The following PSORS1C1 variants were observed in gnomAD, a reference collection of about 807,000 sequenced individuals.
PSORS1C1 encodes psoriasis susceptibility 1 candidate gene 1 protein.
PSORS1C1 carries 7 observed loss-of-function variants against 9.4 expected under a neutral mutation model. The ratio of observed to expected loss-of-function variants is 0.75; its 90% CI spans 0.42 to 1.40. The LOEUF is 1.40. PSORS1C1 is among the 40% of genes most tolerant of loss of function. The probability of loss-of-function intolerance (pLI) is 0.01; values close to 1 mark genes in which losing one functional copy is unlikely to be tolerated. For missense variants in PSORS1C1, 146 were observed against 178.1 expected (o/e 0.82, Z 1.02); for synonymous variants, 63 against 69.4 (o/e 0.91, Z 0.46).
chr6:31,124,829 G>A (rs1340266272), intron 1 of PSORS1C1, among the ~76,000 whole-genome samples: 1 of 152,186 alleles, frequency 6.6e-6, no homozygotes, highest in Non-Finnish European at 1.5e-5. Context: ...TTAGCCGGGT[G>A]CGGGGGCAGG....
chr6:31,120,260 T>C lies in PSORS1C1; in HGVS notation c.-229+5369T>C, dbSNP rs3095319. Reference sequence around the variant, plus strand: ...AAAGGCAGATTCCAGAGCCCCTGCCTGTCCCCTTCGCTGGGTCCTCTCCCG... The same window carrying C: ...AAAGGCAGATTCCAGAGCCCCTGCCCGTCCCCTTCGCTGGGTCCTCTCCCG... On this transcript the variant is annotated intron_variant, in intron 1 of 5. Coordinates refer to ENST00000259881, the MANE Select transcript of PSORS1C1 (RefSeq NM_014068.3). 0.74 allele frequency: 850,233 copies of C among 1,149,336 alleles called. 316,626 individuals carry two copies. Among genetic ancestry groups the C allele is most frequent in the South Asian group, 0.83 (63,268 of 76,532 alleles). 71.2% of individuals were successfully genotyped at this position (1,149,336 alleles called of 1,614,324 possible). A position where few individuals can be genotyped will look rare whatever the true frequency, so the allele number is the denominator to read the frequency against.
chr6:31,134,763 C>A (rs748021972), intron 3 of PSORS1C1, among the ~76,000 whole-genome samples: 4 of 152,208 alleles, frequency 2.6e-5, no homozygotes, highest in Non-Finnish European at 4.4e-5. Flanking sequence ...CTCTGAGCTC[C>A]TGTCCTTCTA....
intron 1 of PSORS1C1, chr6:31,116,524 G>A: frequency 3.7e-6 from 6 of 1,613,416 alleles, no homozygotes; most frequent in Non-Finnish European, 5.1e-6. Context: ...AATGGCCGAG[G>A]AAGCTGCCGA....
intron 1 of PSORS1C1, among the ~76,000 whole-genome samples, chr6:31,125,309 C>T (rs533027891): frequency 6.6e-6 from 1 of 152,238 alleles, no homozygotes; most frequent in Admixed American, 6.5e-5. Context: ...CTCTCTCTTT[C>T]TCCATGACAC....
chr6:31,124,465 C>T (rs1187481739), intron 1 of PSORS1C1, among the ~76,000 whole-genome samples: 1 of 152,220 alleles, frequency 6.6e-6, no homozygotes, highest in Admixed American at 6.5e-5. Context: ...TTTGTCCAAA[C>T]CAGCTGCTAA....
At position 31,131,824 on chromosome 6, in the gene PSORS1C1, A is replaced by C. The variant is rs542556514; in HGVS notation, c.13+2179A>C. On this transcript the variant is annotated intron_variant, in intron 3 of 5. Coordinates refer to ENST00000259881, the MANE Select transcript of PSORS1C1 (RefSeq NM_014068.3). ...AGCTTAAGCTGTAGAGCATTTACCA[A>C]CAGTGCCCTATGGCACATGCGCAGT... Among the ~76,000 whole-genome samples, 3 of 152,378 alleles carry C rather than the reference A, an allele frequency of 2.0e-5. No individual in the cohort carries two copies. In the South Asian group the frequency reaches 6.2e-4, roughly 32 times the overall value.
In PSORS1C1 at chr6:31,138,384, G is replaced by A. The variant is rs746422750; in HGVS notation, c.14-46G>A. 5 of 1,610,454 alleles carry A rather than the reference G, an allele frequency of 3.1e-6. No homozygotes were observed. The Admixed American group carries it at 6.7e-5, about 21-fold the overall frequency. On this transcript the variant is annotated intron_variant, in intron 3 of 5. Coordinates refer to ENST00000259881, the MANE Select transcript of PSORS1C1 (RefSeq NM_014068.3). The stretch of plus-strand genomic sequence containing the variant: ...CCCCACCCAGCCCCAGCCCCAGGAG[G>A]AGGAGCCTGTCTGGATGGACGCAGC...
chr6:31,139,624 A>C lies in PSORS1C1; in HGVS notation c.168-17A>C. The C allele has an allele frequency of 6.3e-7, 1 of 1,595,016 alleles. No homozygotes were observed. The highest frequency in any genetic ancestry group is 8.5e-7 in the Non-Finnish European group (1 of 1,170,612). ...ATGGGATCCAGGCATCCTGCTCTCCACCATGTCCTTCTTCAGGCATGCAGG... is the reference window on the plus strand; with the variant it reads ...ATGGGATCCAGGCATCCTGCTCTCCCCCATGTCCTTCTTCAGGCATGCAGG... On this transcript the variant is annotated splice_polypyrimidine_tract_variant and intron_variant, in intron 5 of 5. Coordinates refer to ENST00000259881, the MANE Select transcript of PSORS1C1 (RefSeq NM_014068.3). The surrounding 1 kb of genome is among the most constrained non-coding windows in gnomAD (Gnocchi z 5.2).
At chr6:31,132,185 G>A (rs764244742) in intron 3 of PSORS1C1, among the ~76,000 whole-genome samples, 7 of 152,134 alleles carry the variant, frequency 4.6e-5, no homozygotes, top group Non-Finnish European at 7.4e-5. Context: ...AGCTGTGATC[G>A]TGCCACTGTA....
rs1772058650 is a variant in PSORS1C1, at chr6:31,115,491, G to A, written c.-229+600G>A. On this transcript the variant is annotated intron_variant, in intron 1 of 5. Coordinates refer to ENST00000259881, the MANE Select transcript of PSORS1C1 (RefSeq NM_014068.3). The surrounding 1 kb of genome is among the most constrained non-coding windows in gnomAD (Gnocchi z 4.2). ...GTGGTGAGCTCTGTAATGGAGGGTG[G>A]GGTGGAATTGGGAGCGAGAGCCCAG... 1 of 166,642 alleles carries A rather than the reference G, an allele frequency of 6.0e-6. No homozygotes were observed. Among genetic ancestry groups the A allele is most frequent in the Admixed American group, 5.5e-5 (1 of 18,182 alleles). The allele number at this position is 166,642 out of a possible 1,614,324, so 10.3% of individuals were successfully genotyped here.
intron 1 of PSORS1C1, among the ~76,000 whole-genome samples, chr6:31,122,494 G>A (rs553329602): frequency 4.7e-4 from 71 of 152,094 alleles, no homozygotes; most frequent in African/African-American, 1.6e-3. Context: ...GATGCTGCTC[G>A]GCTGGGCACG....
At chr6:31,137,904 G>T in intron 3 of PSORS1C1, 3 of 914,164 alleles carry the variant, frequency 3.3e-6, no homozygotes, top group East Asian at 2.8e-5. Context: ...TGGAGAGGGC[G>T]TGGGTGCCTG....
chr6:31,120,599 G>T (rs1388960243), intron 1 of PSORS1C1, among the ~76,000 whole-genome samples: 1 of 152,136 alleles, frequency 6.6e-6, no homozygotes, highest in Non-Finnish European at 1.5e-5. Context: ...CGGTGCATCT[G>T]CCTACTCAGC....
intron 1 of PSORS1C1, chr6:31,116,395 C>G: frequency 6.2e-7 from 1 of 1,600,942 alleles, no homozygotes; most frequent in Non-Finnish European, 8.5e-7. Flanking sequence ...TAAACCGGAG[C>G]TGCTGGAAAT....
At chr6:31,114,933 G>A in intron 1 of PSORS1C1, 42 bp downstream of exon 1, 1 of 443,844 alleles carries the variant, frequency 2.3e-6, no homozygotes, top group Non-Finnish European at 4.5e-6. Context: ...TTTGGGTGGG[G>A]AGGGGAGGGG....
intron 3 of PSORS1C1, among the ~76,000 whole-genome samples, chr6:31,130,046 C>T (rs757177010): frequency 6.6e-6 from 1 of 152,142 alleles, no homozygotes; most frequent in Non-Finnish European, 1.5e-5. Flanking sequence ...GCTGTAACTG[C>T]ACCTCTGCAC....
chr6:31,138,137 G>C (rs1452595291), intron 3 of PSORS1C1: 1 of 1,606,198 alleles, frequency 6.2e-7, no homozygotes, highest in Non-Finnish European at 8.5e-7. Context: ...TTTCAGGCAG[G>C]TCTCTCCAGG....
chr6:31,117,957 T>A lies in PSORS1C1; in HGVS notation c.-229+3066T>A, dbSNP rs28360043. 1,494 of 179,840 alleles carry A rather than the reference T, an allele frequency of 8.3e-3. 15 individuals are homozygous for A. Among genetic ancestry groups the A allele is most frequent in the East Asian group, 0.024 (161 of 6,830 alleles). The allele number at this position is 179,840 out of a possible 1,614,324, so 11.1% of individuals were successfully genotyped here. A position where few individuals can be genotyped will look rare whatever the true frequency, so the allele number is the denominator to read the frequency against. On this transcript the variant is annotated intron_variant, in intron 1 of 5. Transcript: ENST00000259881. ...TTTGTTTTTTAATTAAAATTTTTTT[T>A]AAAAAGAAGAGGGAATGGAGAAGGG...
At chr6:31,114,956 G>A in intron 1 of PSORS1C1, 65 bp downstream of exon 1, 1 of 445,136 alleles carries the variant, frequency 2.2e-6, no homozygotes, top group South Asian at 1.6e-5. Flanking sequence ...GGGAGGGAGA[G>A]GAAACACTGA....
Sources: allele counts gnomAD v4.1 joint callset (sites outside exome capture counted in the v4.1 genomes callset), GRCh38; gene constraint gnomAD v4.1.1; non-coding constraint Gnocchi (gnomAD v3.1); transcripts MANE v1.5; gene names NCBI Gene and HGNC (gene_info 2026-07-23, HGNC 2026-07-21).